ATP8A1: variants seen among roughly 807,000 people sequenced by gnomAD.
ATP8A1 encodes ATPase phospholipid transporting 8A1.
Under a neutral mutation model 177.7 loss-of-function variants are expected in ATP8A1, and 90 were observed. The ratio of observed to expected loss-of-function variants is 0.51; its 90% CI spans 0.43 to 0.60. The LOEUF (loss-of-function observed/expected upper bound fraction) is 0.60. Among genes scored for constraint, ATP8A1 ranks in the 20% least tolerant of loss-of-function variants. The pLI is 0.00. For synonymous variants in ATP8A1, 493 were observed against 485.9 expected, an observed-to-expected ratio of 1.01 and a Z score of -0.19; for missense variants, 1,072 against 1,392.8, an observed-to-expected ratio of 0.77 and a Z score of 3.67.
intron 13 of ATP8A1, 76 bp downstream of exon 13, chr4:42,575,546 G>T: frequency 8.4e-7 from 1 of 1,197,392 alleles, no homozygotes. Context: ...TTCATCTGCA[G>T]TTATCATATA....
chr4:42,409,891 T>C lies in ATP8A1; in HGVS notation c.*3025A>G, dbSNP rs750509346. On this transcript the variant is annotated 3_prime_UTR_variant, in exon 37 of 37. Transcript: ENST00000381668. ...AATGCTGACTGATTTCCATAATTCA[T>C]TTCCCCTCTGGAAATTAAAGAGGAA... 5 of 152,190 alleles carry C rather than the reference T, an allele frequency of 3.3e-5. No homozygotes were observed. Among genetic ancestry groups the C allele is most frequent in the Non-Finnish European group, 7.4e-5 (5 of 68,012 alleles). The allele number at this position is 152,190 out of a possible 1,614,324, so 9.4% of individuals were successfully genotyped here.
chr4:42,423,468 C>G, intron 34 of ATP8A1, 149 bp downstream of exon 34: 2 of 456,620 alleles, frequency 4.4e-6, no homozygotes, highest in Non-Finnish European at 7.6e-6. Context: ...TTTCTAGTTC[C>G]TGAATCACCC....
chr4:42,497,958 T>C (rs1436954172), intron 24 of ATP8A1, among the ~76,000 whole-genome samples: 1 of 152,214 alleles, frequency 6.6e-6, no homozygotes, highest in African/African-American at 2.4e-5. Context: ...TAGGGATACA[T>C]TAACACCTTC....
chr4:42,629,788 T>C (rs1738534569), intron 1 of ATP8A1, among the ~76,000 whole-genome samples: 1 of 152,224 alleles, frequency 6.6e-6, no homozygotes, highest in Non-Finnish European at 1.5e-5. Flanking sequence ...AGACTAGCAT[T>C]TTTGCTAATT....
rs777668596 is a variant in ATP8A1 at position 42,503,518 on chromosome 4, TATCCAAAC to T, written c.2087-12_2087-5del. Reference sequence around the variant, plus strand: ...TTCAACAGTTTGCAGGAGTGTCCTGTATCCAAACACAGAGTATATTAAAATTAATTTCT... The same window carrying T: ...TTCAACAGTTTGCAGGAGTGTCCTGTACAGAGTATATTAAAATTAATTTCT... On this transcript the variant is annotated splice_polypyrimidine_tract_variant and splice_region_variant and intron_variant, in intron 23 of 36. Coordinates refer to ENST00000381668, the MANE Select transcript of ATP8A1 (RefSeq NM_006095.2). 21 of 1,585,386 alleles carry T rather than the reference TATCCAAAC, an allele frequency of 1.3e-5. 1 individual carries two copies. In the Admixed American group the frequency reaches 3.6e-4, roughly 27 times the overall value.
chr4:42,478,296 C>T lies in ATP8A1; in HGVS notation c.2324+7200G>A, dbSNP rs147160948. Among the ~76,000 whole-genome samples, 470 of 152,064 alleles carry T rather than the reference C, an allele frequency of 3.1e-3. 1 individual carries two copies. Among genetic ancestry groups the T allele is most frequent in the African/African-American group, 4.1e-3 (169 of 41,434 alleles). Reference sequence around the variant, plus strand: ...ACTTGAGTCTGGGGCTGGGGGATGGCGTACGTAGAGGTTGCAGTGAGCCAA... The same window carrying T: ...ACTTGAGTCTGGGGCTGGGGGATGGTGTACGTAGAGGTTGCAGTGAGCCAA... On this transcript the variant is annotated intron_variant, in intron 25 of 36. Coordinates refer to ENST00000381668, the MANE Select transcript of ATP8A1 (RefSeq NM_006095.2).
At chr4:42,437,878 C>T (rs1310506810) in intron 33 of ATP8A1, among the ~76,000 whole-genome samples, 2 of 152,140 alleles carry the variant, frequency 1.3e-5, no homozygotes, top group African/African-American at 4.8e-5. Context: ...TCACTTCAGG[C>T]ATGCAGAATG....
chr4:42,437,582 C>T (rs561373114), intron 33 of ATP8A1, among the ~76,000 whole-genome samples: 5 of 152,168 alleles, frequency 3.3e-5, no homozygotes, highest in Non-Finnish European at 2.9e-5. Flanking sequence ...CAATTGTCTA[C>T]CTTACCCCCA....
intron 20 of ATP8A1, among the ~76,000 whole-genome samples, chr4:42,534,755 GA>G (rs1727609009): frequency 6.6e-6 from 1 of 152,104 alleles, no homozygotes; most frequent in African/African-American, 2.4e-5. Flanking sequence ...TAAGAGCTAT[GA>G]GGCAAAAACA....
intron 20 of ATP8A1, among the ~76,000 whole-genome samples, chr4:42,533,861 CT>C (rs1344785948): frequency 6.6e-6 from 1 of 152,188 alleles, no homozygotes; most frequent in Admixed American, 6.5e-5. Context: ...TGTGCAGACA[CT>C]CCCCAGGACC....
At position 42,411,428 on chromosome 4, in the gene ATP8A1, T is replaced by TA. The variant is rs1294975182; in HGVS notation, c.*1487dup. ...TACCTATTTTGCTGGTAAGTCCATG[T>TA]AAAGGCAAGCAGGCTTTTGAGTAAA... On this transcript the variant is annotated 3_prime_UTR_variant, in exon 37 of 37. Coordinates refer to ENST00000381668, the MANE Select transcript of ATP8A1 (RefSeq NM_006095.2). 1 of 152,206 alleles carries TA rather than the reference T, an allele frequency of 6.6e-6. No individual in the cohort carries two copies. The highest frequency in any genetic ancestry group is 1.5e-5 in the Non-Finnish European group (1 of 68,014). 9.4% of individuals were successfully genotyped at this position (152,206 alleles called of 1,614,324 possible).
chr4:42,422,981 C>T (rs1279840753), intron 34 of ATP8A1, 82 bp from the exon 35 acceptor site: 15 of 1,065,804 alleles, frequency 1.4e-5, no homozygotes, highest in East Asian at 2.4e-5. Flanking sequence ...CTTATTATCA[C>T]GCGGTTGATA....
At chr4:42,489,319 G>A (rs937297409) in intron 24 of ATP8A1, among the ~76,000 whole-genome samples, 1 of 151,972 alleles carries the variant, frequency 6.6e-6, no homozygotes, top group African/African-American at 2.4e-5. Context: ...ACCAACATAG[G>A]GTATGCAGTC....
intron 33 of ATP8A1, among the ~76,000 whole-genome samples, chr4:42,426,420 C>T (rs1714626366): frequency 6.6e-6 from 1 of 152,158 alleles, no homozygotes; most frequent in Admixed American, 6.5e-5. Context: ...ACAGAAGGCC[C>T]TTTGCAGAAC....
At chr4:42,540,015 T>C (rs944214876) in intron 20 of ATP8A1, among the ~76,000 whole-genome samples, 1 of 152,184 alleles carries the variant, frequency 6.6e-6, no homozygotes, top group East Asian at 1.9e-4. Flanking sequence ...ATCTGTTGAA[T>C]AGAAGAAAGT....
chr4:42,634,729 T>C (rs773789293), intron 1 of ATP8A1, among the ~76,000 whole-genome samples: 3 of 152,198 alleles, frequency 2.0e-5, no homozygotes, highest in Admixed American at 6.5e-5. Context: ...TGGCTCCTCA[T>C]GCATATGCAA....
chr4:42,600,039 T>G (rs1019687945), intron 6 of ATP8A1, among the ~76,000 whole-genome samples: 1 of 152,238 alleles, frequency 6.6e-6, no homozygotes, highest in South Asian at 2.1e-4. Context: ...AAGACAATGT[T>G]TAATTTGTAA....
chr4:42,545,159 C>CA (rs150594728), intron 19 of ATP8A1, among the ~76,000 whole-genome samples: 3,520 of 83,188 alleles, frequency 0.042, 81 homozygotes, highest in South Asian at 0.11. Context: ...GACTCCGTCT[C>CA]AAAAAAAAAA....
chr4:42,638,808 C>T (rs889231942), intron 1 of ATP8A1, among the ~76,000 whole-genome samples: 6 of 152,164 alleles, frequency 3.9e-5, no homozygotes, highest in Admixed American at 3.3e-4. Flanking sequence ...TACCAAGCAT[C>T]TCCTAGAAGT....
Sources: allele counts gnomAD v4.1 joint callset (sites outside exome capture counted in the v4.1 genomes callset), GRCh38; gene constraint gnomAD v4.1.1; transcripts MANE v1.5; gene names NCBI Gene and HGNC (gene_info 2026-07-23, HGNC 2026-07-21).